TOP2B: variants seen among roughly 807,000 people sequenced by gnomAD.
The protein encoded by TOP2B is DNA topoisomerase 2-beta.
A neutral mutation model predicts 193.5 loss-of-function variants in TOP2B; 51 were observed. That is an observed-to-expected ratio of 0.26 (90% CI 0.21 to 0.33). The LOEUF (loss-of-function observed/expected upper bound fraction) is 0.33, where lower values mean the gene tolerates loss of function less well. TOP2B is among the 10% of genes least tolerant of loss of function. TOP2B has a pLI of 1.00. For synonymous variants in TOP2B, 634 were observed against 635.7 expected, an observed-to-expected ratio of 1.00 and a Z score of 0.04; for missense variants, 1,378 against 1,909.3, an observed-to-expected ratio of 0.72 and a Z score of 5.19.
chr3:25,598,932 G>A (rs912137487), intron 35 of TOP2B, among the ~76,000 whole-genome samples: 3 of 152,178 alleles, frequency 2.0e-5, no homozygotes, highest in African/African-American at 7.2e-5. Flanking sequence ...GAAGATGACT[G>A]AATGGAAGAG....
chr3:25,647,615 A>T (rs958787440), intron 1 of TOP2B, among the ~76,000 whole-genome samples: 16 of 71,858 alleles, frequency 2.2e-4, no homozygotes, highest in African/African-American at 9.1e-4. Context: ...ACACAGGGAT[A>T]AAAAAAAAAA....
intron 28 of TOP2B, among the ~76,000 whole-genome samples, chr3:25,612,031 C>T (rs1702384570): frequency 1.3e-5 from 2 of 152,048 alleles, no homozygotes; most frequent in Non-Finnish European, 2.9e-5. Flanking sequence ...CAAGCTCCGC[C>T]TCCCGGGTTC....
intron 31 of TOP2B, among the ~76,000 whole-genome samples, chr3:25,606,724 C>A (rs1368352912): frequency 3.3e-5 from 5 of 152,086 alleles, no homozygotes. Flanking sequence ...TCTATCAAGG[C>A]CAAATTTAGG....
chr3:25,658,398 G>GCA (rs1317976137), intron 1 of TOP2B, among the ~76,000 whole-genome samples: 1 of 151,870 alleles, frequency 6.6e-6, no homozygotes, highest in East Asian at 1.9e-4. Flanking sequence ...AACAATGCCA[G>GCA]CATCCAATTA....
At chr3:25,599,624 A>G (rs1575557985) in intron 34 of TOP2B, 95 bp from the exon 35 acceptor site, 7 of 1,164,936 alleles carry the variant, frequency 6.0e-6, no homozygotes, top group Non-Finnish European at 7.3e-6. Context: ...TGGCATGCCC[A>G]ATCAGTGGAG....
chr3:25,598,290 T>A lies in TOP2B; in HGVS notation c.*17A>T. On this transcript the variant is annotated 3_prime_UTR_variant, in exon 36 of 36. Coordinates refer to ENST00000264331, the MANE Select transcript of TOP2B (RefSeq NM_001330700.2). ...ACACAAGATATTTGTTGAAAAATGT[T>A]TGTGCTCTTTGGGCACTTAATTAAA... 1 of 1,588,246 alleles carries A rather than the reference T, an allele frequency of 6.3e-7. No individual in the cohort carries two copies. Among genetic ancestry groups the A allele is most frequent in the Non-Finnish European group, 8.6e-7 (1 of 1,164,148 alleles).
At position 25,638,159 on chromosome 3, in the gene TOP2B, C is replaced by A; in HGVS notation, c.541+6G>T. ...TTTTTCAACCAAAATTCCATTCAGA[C>A]TTTACCTGTAACTTTTTTCTCATCA... On this transcript the variant is annotated splice_donor_region_variant and intron_variant, in intron 5 of 35. Transcript: ENST00000264331. 6.4e-7 allele frequency: 1 copy of A among 1,563,664 alleles called. No individual in the cohort carries two copies. The highest frequency in any genetic ancestry group is 8.7e-7 in the Non-Finnish European group (1 of 1,152,956).
chr3:25,609,599 A>G lies in TOP2B; in HGVS notation c.3900T>C (p.Gly1300=), dbSNP rs377729423. The change falls in exon 29 of 36, where the codon GGT becomes GGC. Residue 1300 remains glycine (G), a synonymous_variant. Transcript: ENST00000264331. ...CCTTCTTCTCCCTCTTAGGTTTGGG[A>G]CCTTTATTTATAGGAACTGATGGAG... ...ALTPSVPINK[G]PKPKREKKEP... is the part of the protein sequence containing the mutation. 40 of 1,602,700 alleles carry G rather than the reference A, an allele frequency of 2.5e-5. No homozygotes were observed. The East Asian group carries it at 4.2e-4, about 17-fold the overall frequency.
At position 25,641,003 on chromosome 3, in the gene TOP2B, A is replaced by G. The variant is rs1255599190; in HGVS notation, c.395+1319T>C. 5.3e-5 allele frequency among the ~76,000 whole-genome samples: 8 copies of G among 152,234 alleles called. No individual in the cohort carries two copies. In the East Asian group the frequency reaches 1.4e-3, roughly 26 times the overall value. On this transcript the variant is annotated intron_variant, in intron 4 of 35. Coordinates refer to ENST00000264331, the MANE Select transcript of TOP2B (RefSeq NM_001330700.2). ...CACCATGTTGCCCAGACTGGTCTCGAGCTCCTGGGCTCAAGGGATCTGCCT... is the reference window on the plus strand; with the variant it reads ...CACCATGTTGCCCAGACTGGTCTCGGGCTCCTGGGCTCAAGGGATCTGCCT...
intron 7 of TOP2B, among the ~76,000 whole-genome samples, chr3:25,634,587 A>G (rs937590935): frequency 1.3e-5 from 2 of 151,948 alleles, no homozygotes; most frequent in African/African-American, 4.8e-5. Flanking sequence ...TGAATGCATA[A>G]AGCTTCTAGG....
At chr3:25,629,286 T>C (rs1329064169) in intron 13 of TOP2B, 141 bp from the exon 14 acceptor site, 1 of 547,846 alleles carries the variant, frequency 1.8e-6, no homozygotes, top group Non-Finnish European at 3.1e-6. Flanking sequence ...ATTAAGATGA[T>C]CATACTAAAT....
In TOP2B at chr3:25,598,272, A is replaced by G. The variant is rs370205557; in HGVS notation, c.*35T>C. 5 of 1,573,770 alleles carry G rather than the reference A, an allele frequency of 3.2e-6. No individual in the cohort carries two copies. The East Asian group carries it at 6.8e-5, about 21-fold the overall frequency. ...AGAGAAGACAAAAGGACAACACAAG[A>G]TATTTGTTGAAAAATGTTTGTGCTC... On this transcript the variant is annotated 3_prime_UTR_variant, in exon 36 of 36. Transcript: ENST00000264331.
chr3:25,658,060 C>CAAA, intron 1 of TOP2B, among the ~76,000 whole-genome samples: 1 of 44,778 alleles, frequency 2.2e-5, no homozygotes, highest in African/African-American at 1.3e-4. Flanking sequence ...GACTCCGTCT[C>CAAA]AAAAAAAAAA....
intron 1 of TOP2B, among the ~76,000 whole-genome samples, chr3:25,656,579 T>C (rs935491754): frequency 6.6e-6 from 1 of 152,184 alleles, no homozygotes; most frequent in Non-Finnish European, 1.5e-5. Context: ...CTCTAGTTTT[T>C]ATAGAAAATT....
At chr3:25,639,563 C>A (rs2125389931) in intron 4 of TOP2B, among the ~76,000 whole-genome samples, 1 of 152,366 alleles carries the variant, frequency 6.6e-6, no homozygotes. Context: ...GCCTTGGCCT[C>A]CCAAAGTGCT....
At chr3:25,639,802 C>T (rs997114809) in intron 4 of TOP2B, among the ~76,000 whole-genome samples, 1 of 152,176 alleles carries the variant, frequency 6.6e-6, no homozygotes, top group African/African-American at 2.4e-5. Flanking sequence ...ATGACCTTTT[C>T]CTTAAATTTT....
At chr3:25,622,619 A>T (rs1251373730) in intron 21 of TOP2B, among the ~76,000 whole-genome samples, 1 of 151,732 alleles carries the variant, frequency 6.6e-6, no homozygotes, top group Non-Finnish European at 1.5e-5. Flanking sequence ...GAAAACAACA[A>T]ACATAAAAAA....
chr3:25,633,249 T>C (rs996878393), intron 8 of TOP2B, among the ~76,000 whole-genome samples: 3 of 152,098 alleles, frequency 2.0e-5, no homozygotes, highest in African/African-American at 4.8e-5. Flanking sequence ...GGAATGATAA[T>C]TTGCTGGAAC....
intron 21 of TOP2B, 47 bp from the exon 22 acceptor site, chr3:25,620,863 G>A (rs374121881): frequency 1.9e-6 from 3 of 1,589,328 alleles, no homozygotes; most frequent in African/African-American, 2.7e-5. Flanking sequence ...TTGAGTACCA[G>A]TACCATGAGT....
Sources: allele counts gnomAD v4.1 joint callset (sites outside exome capture counted in the v4.1 genomes callset), GRCh38; gene constraint gnomAD v4.1.1; transcripts MANE v1.5; gene names NCBI Gene and HGNC (gene_info 2026-07-23, HGNC 2026-07-21).